The following OPCML variants were observed in gnomAD, a reference collection of about 807,000 sequenced individuals.
The protein encoded by OPCML is opioid-binding protein/cell adhesion molecule.
OPCML carries 13 observed loss-of-function variants against 37.8 expected under a neutral mutation model. The observed-to-expected ratio is 0.34, with a 90% CI of 0.22 to 0.55. The LOEUF (loss-of-function observed/expected upper bound fraction) is 0.55. Ranked by LOEUF, OPCML falls within the 20% of genes least tolerant of loss-of-function variation. The probability of loss-of-function intolerance (pLI) is 0.91; values close to 1 mark genes in which losing one functional copy is unlikely to be tolerated. For missense variants in OPCML, 341 were observed against 435.6 expected, an observed-to-expected ratio of 0.78 and a Z score of 1.93; for synonymous variants, 176 against 168.8, an observed-to-expected ratio of 1.04 and a Z score of -0.33.
intron 1 of OPCML, among the ~76,000 whole-genome samples, chr11:133,166,526 T>A: frequency 6.6e-6 from 1 of 152,214 alleles, no homozygotes; most frequent in East Asian, 1.9e-4. Context: ...TATTGGCATA[T>A]GTTATGGGAA....
intron 2 of OPCML, among the ~76,000 whole-genome samples, chr11:132,742,567 G>A (rs895334133): frequency 6.6e-6 from 1 of 152,030 alleles, no homozygotes; most frequent in Admixed American, 6.5e-5. Flanking sequence ...AGAACTAGGA[G>A]AAATAAATGC....
At chr11:132,755,700 T>A (rs970699723) in intron 2 of OPCML, among the ~76,000 whole-genome samples, 2 of 152,222 alleles carry the variant, frequency 1.3e-5, no homozygotes, top group African/African-American at 2.4e-5. Flanking sequence ...ATGGAACGGT[T>A]ACTTGCTTTG....
At chr11:132,604,036 G>A (rs1330988249) in intron 3 of OPCML, among the ~76,000 whole-genome samples, 1 of 152,066 alleles carries the variant, frequency 6.6e-6, no homozygotes, top group Non-Finnish European at 1.5e-5. Context: ...TATCTCCCTC[G>A]CCATTTCATG....
chr11:133,129,298 G>A (rs1455925486), intron 1 of OPCML, among the ~76,000 whole-genome samples: 1 of 152,124 alleles, frequency 6.6e-6, no homozygotes, highest in Admixed American at 6.5e-5. Flanking sequence ...CCAAGGCAGG[G>A]GAGAGGGTTA....
chr11:132,550,793 G>T (rs1310043519), intron 3 of OPCML, among the ~76,000 whole-genome samples: 2 of 152,216 alleles, frequency 1.3e-5, no homozygotes. Context: ...GGTTTCTATG[G>T]CAGAAAGAAT....
chr11:132,543,647 A>G (rs945596382), intron 3 of OPCML, among the ~76,000 whole-genome samples: 3 of 152,212 alleles, frequency 2.0e-5, no homozygotes, highest in African/African-American at 7.2e-5. Flanking sequence ...TCTAAACACA[A>G]TAGGTTTTGA....
intron 4 of OPCML, among the ~76,000 whole-genome samples, chr11:132,470,191 G>T (rs1399100432): frequency 6.6e-6 from 1 of 152,114 alleles, no homozygotes; most frequent in Non-Finnish European, 1.5e-5. Context: ...CATGGAGGGT[G>T]CAGAGGGCAT....
chr11:132,969,975 T>C (rs1461807164), intron 1 of OPCML, among the ~76,000 whole-genome samples: 2 of 152,208 alleles, frequency 1.3e-5, no homozygotes, highest in Non-Finnish European at 2.9e-5. Context: ...ACTTTCCTGA[T>C]TCTTTTCGTG....
chr11:132,831,688 C>T (rs1171631996), intron 2 of OPCML, among the ~76,000 whole-genome samples: 1 of 150,766 alleles, frequency 6.6e-6, no homozygotes, highest in African/African-American at 2.4e-5. Flanking sequence ...ACTCCCTCTC[C>T]CCCATTCAGC....
At chr11:132,427,929 C>G (rs554856464) in intron 7 of OPCML, among the ~76,000 whole-genome samples, 21 of 152,212 alleles carry the variant, frequency 1.4e-4, no homozygotes, top group Non-Finnish European at 1.9e-4. Flanking sequence ...AATGATTACG[C>G]TGCTGTCATC....
At chr11:132,623,957 G>A (rs959057900) in intron 3 of OPCML, among the ~76,000 whole-genome samples, 3 of 152,156 alleles carry the variant, frequency 2.0e-5, no homozygotes, top group Admixed American at 2.0e-4. Context: ...TGGATGGATT[G>A]CTCTTTTCAA....
At chr11:132,607,044 G>A (rs1938347429) in intron 3 of OPCML, among the ~76,000 whole-genome samples, 1 of 152,136 alleles carries the variant, frequency 6.6e-6, no homozygotes, top group Non-Finnish European at 1.5e-5. Context: ...TTGTTTTCAG[G>A]CAGACTTTTC....
At chr11:132,933,595 A>G (rs960957378) in intron 2 of OPCML, among the ~76,000 whole-genome samples, 2 of 152,082 alleles carry the variant, frequency 1.3e-5, no homozygotes, top group African/African-American at 4.8e-5. Flanking sequence ...TGTGTGTGAG[A>G]AAGAGAGAGA....
intron 1 of OPCML, among the ~76,000 whole-genome samples, chr11:132,970,261 A>G (rs1324819767): frequency 1.3e-5 from 2 of 152,216 alleles, no homozygotes; most frequent in Admixed American, 6.5e-5. Flanking sequence ...TCAAAGAATT[A>G]TATAGGCACA....
At chr11:133,304,721 G>A (rs1252405422) in intron 1 of OPCML, among the ~76,000 whole-genome samples, 1 of 152,156 alleles carries the variant, frequency 6.6e-6, no homozygotes, top group African/African-American at 2.4e-5. Context: ...CAGGAGAATT[G>A]ATTAAGGGAC....
chr11:133,138,401 G>T (rs899207194), intron 1 of OPCML, among the ~76,000 whole-genome samples: 7 of 152,100 alleles, frequency 4.6e-5, no homozygotes, highest in African/African-American at 1.4e-4. Context: ...TTCAATCAAG[G>T]TAACCATATG....
chr11:133,319,382 A>T (rs1464086856), intron 1 of OPCML, among the ~76,000 whole-genome samples: 2 of 152,150 alleles, frequency 1.3e-5, no homozygotes, highest in Admixed American at 6.5e-5. Flanking sequence ...CTGTCCCTTA[A>T]GTCTCCCTTA....
At chr11:132,985,217 T>C (rs1164094281) in intron 1 of OPCML, among the ~76,000 whole-genome samples, 2 of 152,202 alleles carry the variant, frequency 1.3e-5, no homozygotes, top group African/African-American at 2.4e-5. Context: ...ATAGTTTCTG[T>C]GAGTAGGAGT....
At chr11:133,199,487 G>T (rs1006946873) in intron 1 of OPCML, among the ~76,000 whole-genome samples, 1 of 152,172 alleles carries the variant, frequency 6.6e-6, no homozygotes, top group African/African-American at 2.4e-5. Context: ...TGACAGAGAG[G>T]CAGGGGAACA....
Sources: gnomAD v4.1 joint callset for allele counts (sites outside exome capture counted in the v4.1 genomes callset) on GRCh38, gnomAD v4.1.1 for gene constraint, MANE v1.5 for transcripts, NCBI Gene and HGNC (gene_info 2026-07-23, HGNC 2026-07-21) for gene names.